The following PXDNL variants were observed in gnomAD, a reference collection of about 807,000 sequenced individuals.
The protein encoded by PXDNL is probable oxidoreductase PXDNL.
A neutral mutation model predicts 150.8 loss-of-function variants in PXDNL; 145 were observed. The ratio of observed to expected loss-of-function variants is 0.96; its 90% CI spans 0.84 to 1.10. The LOEUF (loss-of-function observed/expected upper bound fraction) is 1.10, where lower values mean the gene tolerates loss of function less well. Ranked by LOEUF, PXDNL falls within the 50% of genes least tolerant of loss-of-function variation. PXDNL has a pLI of 0.00. For missense variants in PXDNL, 2,087 were observed against 1,873.9 expected (o/e 1.11, Z -2.10); for synonymous variants, 757 against 725.7 (o/e 1.04, Z -0.69).
intron 17 of PXDNL, among the ~76,000 whole-genome samples, chr8:51,391,007 G>A (rs942332258): frequency 2.3e-4 from 35 of 151,496 alleles, no homozygotes; most frequent in African/African-American, 6.8e-4. Flanking sequence ...TTGGTTTTTT[G>A]TCCTTGCGAT....
At chr8:51,682,621 C>T (rs758358364) in intron 1 of PXDNL, among the ~76,000 whole-genome samples, 8 of 152,208 alleles carry the variant, frequency 5.3e-5, no homozygotes, top group Non-Finnish European at 7.3e-5. Flanking sequence ...TCTTCAGCTG[C>T]AGTCAAGCTT....
Position 51,475,024 on chromosome 8 carries a change from C to A in PXDNL, c.642G>T (p.Arg214Ser), listed in dbSNP as rs537584744. The change falls in exon 7 of 23, where the codon AGG (arginine) becomes AGT (serine). Residue 214 changes from arginine to serine, a missense_variant. Transcript: ENST00000356297. The part of the protein sequence containing the change: ...TQAAATCEYP[R>S]RLHGRAVASV... ...AAGCAACTGCACGCCCATGGAGTCT[C>A]CTGGGATATTCGCAGGTAGCCGCAG... The A allele has an allele frequency of 3.7e-6, 6 of 1,612,146 alleles. 1 individual carries two copies. In the South Asian group the frequency reaches 6.6e-5, roughly 18 times the overall value.
In PXDNL at chr8:51,413,267, A is replaced by C; in HGVS notation, c.1796-9T>G. On this transcript the variant is annotated splice_polypyrimidine_tract_variant and intron_variant, in intron 14 of 22. Transcript: ENST00000356297. ...TTGTCTACCCTGTATAGCTTTGAAA[A>C]TCAATTCCATGATTAAAAATATCAA... 6.6e-7 allele frequency: 1 copy of C among 1,521,628 alleles called. No individual in the cohort carries two copies. The highest frequency in any genetic ancestry group is 9.1e-7 in the Non-Finnish European group (1 of 1,098,756). The allele number at this position is 1,521,628 out of a possible 1,614,324, so 94.3% of individuals were successfully genotyped here. A position where few individuals can be genotyped will look rare whatever the true frequency, so the allele number is the denominator to read the frequency against.
intron 1 of PXDNL, among the ~76,000 whole-genome samples, chr8:51,803,469 T>G (rs1372428733): frequency 6.6e-6 from 1 of 152,112 alleles, no homozygotes; most frequent in African/African-American, 2.4e-5. Flanking sequence ...TTCCAACTTC[T>G]TAGAGGTGGA....
intron 2 of PXDNL, among the ~76,000 whole-genome samples, chr8:51,594,679 T>G (rs1232726234): frequency 6.6e-6 from 1 of 152,206 alleles, no homozygotes; most frequent in Non-Finnish European, 1.5e-5. Flanking sequence ...CACAGTTGAA[T>G]GTATTTTCCA....
At chr8:51,436,571 T>C (rs1009157847) in intron 12 of PXDNL, 2 of 214,460 alleles carry the variant, frequency 9.3e-6, no homozygotes, top group African/African-American at 4.6e-5. Context: ...CTCAAAACCA[T>C]GCAAATACAT....
chr8:51,482,642 C>T (rs1223227018), intron 6 of PXDNL, among the ~76,000 whole-genome samples: 3 of 152,110 alleles, frequency 2.0e-5, no homozygotes, highest in Admixed American at 6.6e-5. Flanking sequence ...GAGGCAGTTT[C>T]CCCCATATTG....
chr8:51,738,155 A>G (rs775159845), intron 1 of PXDNL, among the ~76,000 whole-genome samples: 2 of 152,198 alleles, frequency 1.3e-5, no homozygotes, highest in African/African-American at 2.4e-5. Flanking sequence ...CACAATACAA[A>G]TATAGTGAGC....
At chr8:51,491,221 T>C (rs1380164229) in intron 5 of PXDNL, among the ~76,000 whole-genome samples, 1 of 152,176 alleles carries the variant, frequency 6.6e-6, no homozygotes, top group Non-Finnish European at 1.5e-5. Context: ...TGGGACCCTG[T>C]GATAATGTAA....
intron 2 of PXDNL, among the ~76,000 whole-genome samples, chr8:51,603,065 A>G (rs1362895726): frequency 6.6e-6 from 1 of 151,848 alleles, no homozygotes; most frequent in East Asian, 1.9e-4. Flanking sequence ...ATATATTTAT[A>G]GTTTCCCCTG....
Position 51,708,253 on chromosome 8 carries a change from G to A in PXDNL, c.165-53493C>T, listed in dbSNP as rs117117690. Among the ~76,000 whole-genome samples the A allele has an allele frequency of 9.6e-3, 1,461 of 152,350 alleles. 15 individuals are homozygous for A. Among genetic ancestry groups the A allele is most frequent in the Non-Finnish European group, 0.013 (908 of 68,030 alleles). On this transcript the variant is annotated intron_variant, in intron 1 of 22. Transcript: ENST00000356297. Reference sequence around the variant, plus strand: ...ATCGTGATTCACCTGGAATGACAGAGAAGGGCACCTGAGTCACCCTGGAGC... The same window carrying A: ...ATCGTGATTCACCTGGAATGACAGAAAAGGGCACCTGAGTCACCCTGGAGC...
intron 1 of PXDNL, among the ~76,000 whole-genome samples, chr8:51,746,476 G>A (rs1487562995): frequency 6.6e-6 from 1 of 152,150 alleles, no homozygotes; most frequent in African/African-American, 2.4e-5. Flanking sequence ...TCTTGTCTGT[G>A]TCCTATTAGG....
chr8:51,449,166 T>G (rs1563416891), intron 10 of PXDNL, 48 bp from the exon 11 acceptor site: 1 of 1,032,336 alleles, frequency 9.7e-7, no homozygotes, highest in Non-Finnish European at 1.4e-6. Flanking sequence ...TTTTACAAAT[T>G]TTCAGTGCCA....
intron 17 of PXDNL, among the ~76,000 whole-genome samples, chr8:51,395,117 C>G (rs2130849158): frequency 6.6e-6 from 1 of 152,308 alleles, no homozygotes; most frequent in African/African-American, 2.4e-5. Flanking sequence ...CTGCAGAGCC[C>G]TAACCACAAG....
At chr8:51,449,274 A>G (rs7341549) in intron 10 of PXDNL, among the ~76,000 whole-genome samples, 156 bp from the exon 11 acceptor site, 2,682 of 152,330 alleles carry the variant, frequency 0.018, 56 homozygotes, top group East Asian at 0.083. Context: ...GTGCTTCTGT[A>G]TGTTTGTGCC....
intron 3 of PXDNL, among the ~76,000 whole-genome samples, chr8:51,574,776 A>G (rs1203341018): frequency 6.6e-6 from 1 of 152,108 alleles, no homozygotes; most frequent in Non-Finnish European, 1.5e-5. Flanking sequence ...GGTGAAAGGA[A>G]AGATTTGTCA....
chr8:51,448,178 C>G (rs1178634647), intron 11 of PXDNL, among the ~76,000 whole-genome samples: 1 of 152,224 alleles, frequency 6.6e-6, no homozygotes, highest in African/African-American at 2.4e-5. Flanking sequence ...TAGACAAGCT[C>G]TCATCCAGCC....
At chr8:51,752,528 G>A (rs2037056657) in intron 1 of PXDNL, among the ~76,000 whole-genome samples, 2 of 152,060 alleles carry the variant, frequency 1.3e-5, no homozygotes, top group Admixed American at 1.3e-4. Flanking sequence ...CTATGTTAGT[G>A]AGACCTGGCC....
chr8:51,345,850 T>G lies in PXDNL; in HGVS notation c.3999A>C (p.Leu1333Phe), dbSNP rs768724102. Residue 1333 changes from leucine to phenylalanine, a missense_variant, in exon 20 of 23, where the codon TTA becomes TTC. By Grantham distance (22) the Leu-to-Phe change is conservative (BLOSUM62 0). Coordinates refer to ENST00000356297, the MANE Select transcript of PXDNL (RefSeq NM_144651.5). ...YSYPVDKDME[L>F]SHLRSRQQDK... ...ATACATACCTACTTCTTAGATGACT[T>G]AACTCCATATCCTTATCAACAGGAT... The G allele has an allele frequency of 1.2e-6, 2 of 1,608,268 alleles. No homozygotes were observed. Among genetic ancestry groups the G allele is most frequent in the South Asian group, 1.1e-5 (1 of 90,898 alleles).
Sources: allele counts gnomAD v4.1 joint callset (sites outside exome capture counted in the v4.1 genomes callset), GRCh38; gene constraint gnomAD v4.1.1; transcripts MANE v1.5; gene names NCBI Gene and HGNC (gene_info 2026-07-23, HGNC 2026-07-21).